The following ERC2 variants were observed in gnomAD, a reference collection of about 807,000 sequenced individuals.
ERC2 encodes ERC protein 2.
A neutral mutation model predicts 114.8 loss-of-function variants in ERC2; 42 were observed. That is an observed-to-expected ratio of 0.37 (90% CI 0.29 to 0.47). ERC2 has a LOEUF of 0.47. ERC2 is among the 20% of genes least tolerant of loss of function. The probability of loss-of-function intolerance (pLI) is 0.99; values close to 1 mark genes in which losing one functional copy is unlikely to be tolerated. For missense variants in ERC2, 939 were observed against 1,150.7 expected (o/e 0.82, Z 2.66); for synonymous variants, 454 against 425.5 (o/e 1.07, Z -0.82).
rs191545270 is a variant in ERC2, at chr3:55,534,813, G to C, written c.*40-23537C>G. Among the ~76,000 whole-genome samples, 23 of 152,290 alleles carry C rather than the reference G, an allele frequency of 1.5e-4. No homozygotes were observed. The East Asian group carries it at 4.2e-3, about 28-fold the overall frequency. ...TCTTGGGGTCAAGCTGCAATCTGAA[G>C]GAGCACAAGGTGATGACAGGAGGTT... On this transcript the variant is annotated intron_variant, in intron 17 of 17. Transcript: ENST00000288221.
chr3:56,261,484 C>A (rs570352594), intron 3 of ERC2, among the ~76,000 whole-genome samples: 2 of 152,242 alleles, frequency 1.3e-5, no homozygotes, highest in South Asian at 4.2e-4. Context: ...TCCTCCCTGC[C>A]TCTCCTACAC....
chr3:56,118,931 C>G (rs1018011610), intron 6 of ERC2, among the ~76,000 whole-genome samples: 4 of 152,092 alleles, frequency 2.6e-5, no homozygotes, highest in African/African-American at 9.7e-5. Flanking sequence ...CCACTGTGCC[C>G]GGCCACAGTA....
intron 7 of ERC2, among the ~76,000 whole-genome samples, chr3:56,035,365 G>T (rs980973146): frequency 6.6e-6 from 1 of 152,140 alleles, no homozygotes; most frequent in African/African-American, 2.4e-5. Context: ...GAATCTGCTT[G>T]CTTCAAAGGT....
At chr3:56,406,878 C>T (rs1239023011) in intron 2 of ERC2, among the ~76,000 whole-genome samples, 2 of 152,162 alleles carry the variant, frequency 1.3e-5, no homozygotes, top group African/African-American at 4.8e-5. Flanking sequence ...AAAGAACAAA[C>T]TAAAAAAAGT....
intron 17 of ERC2, among the ~76,000 whole-genome samples, chr3:55,535,117 G>A (rs775043108): frequency 6.6e-6 from 1 of 152,180 alleles, no homozygotes; most frequent in Non-Finnish European, 1.5e-5. Context: ...TGGTGTGTGA[G>A]TTCAGTATGT....
chr3:56,180,635 G>A lies in ERC2; in HGVS notation c.1075-7115C>T, dbSNP rs1026895549. Among the ~76,000 whole-genome samples, 7 of 152,250 alleles carry A rather than the reference G, an allele frequency of 4.6e-5. No individual in the cohort carries two copies. The East Asian group carries it at 1.4e-3, about 29-fold the overall frequency. On this transcript the variant is annotated intron_variant, in intron 3 of 17. Transcript: ENST00000288221. ...TTATCGAAATAGAAAGTGAAATGGT[G>A]CTTGCCAGGGGTGGTGATAGGCAGA...
At position 55,734,754 on chromosome 3, in the gene ERC2, C is replaced by G; in HGVS notation, c.2712+17G>C. On this transcript the variant is annotated intron_variant, in intron 15 of 17. Coordinates refer to ENST00000288221, the MANE Select transcript of ERC2 (RefSeq NM_015576.3). ...CCCAAACCCAGAAAAACACACCTGT[C>G]TTGCAGGAGGCCCCACCTGCTGCTT... The G allele has an allele frequency of 6.2e-7, 1 of 1,600,076 alleles. No homozygotes were observed. The highest frequency in any genetic ancestry group is 8.5e-7 in the Non-Finnish European group (1 of 1,173,520).
At chr3:55,783,264 T>G (rs990301241) in intron 14 of ERC2, among the ~76,000 whole-genome samples, 2 of 152,186 alleles carry the variant, frequency 1.3e-5, no homozygotes, top group Non-Finnish European at 2.9e-5. Flanking sequence ...TGGACTCAAA[T>G]GCCAGCTTAG....
chr3:56,026,143 G>T (rs752690933), intron 7 of ERC2, among the ~76,000 whole-genome samples: 1 of 141,288 alleles, frequency 7.1e-6, no homozygotes. Context: ...TCGGCCTCCC[G>T]GGTTCAAGCC....
chr3:56,139,376 A>G (rs1454652973), intron 6 of ERC2, 133 bp downstream of exon 6: 4 of 855,318 alleles, frequency 4.7e-6, no homozygotes, highest in Middle Eastern at 3.5e-4. Context: ...TGAAAGCCCA[A>G]CAAATATGAA....
At chr3:56,222,240 G>C (rs1901553) in intron 3 of ERC2, among the ~76,000 whole-genome samples, 68,644 of 152,040 alleles carry the variant, frequency 0.45, 15,936 homozygotes, top group East Asian at 0.71. Context: ...GGACAGAGCA[G>C]ATTAAAGTTA....
intron 6 of ERC2, among the ~76,000 whole-genome samples, chr3:56,117,408 C>T (rs186915896): frequency 6.6e-6 from 1 of 152,304 alleles, no homozygotes; most frequent in African/African-American, 2.4e-5. Context: ...GGCCTCCATT[C>T]TATGTAACTA....
At chr3:56,243,833 T>C (rs565549303) in intron 3 of ERC2, among the ~76,000 whole-genome samples, 1 of 152,064 alleles carries the variant, frequency 6.6e-6, no homozygotes, top group Non-Finnish European at 1.5e-5. Context: ...AAGTGATGTA[T>C]CTGAGAGCGA....
chr3:55,653,469 A>T (rs12488206), intron 17 of ERC2, among the ~76,000 whole-genome samples: 1 of 152,220 alleles, frequency 6.6e-6, no homozygotes, highest in Admixed American at 6.5e-5. Context: ...AAGCAATGAC[A>T]GATTATACCG....
chr3:56,131,559 T>C (rs2080201024), intron 6 of ERC2, among the ~76,000 whole-genome samples: 1 of 152,190 alleles, frequency 6.6e-6, no homozygotes, highest in Non-Finnish European at 1.5e-5. Flanking sequence ...AGAAAGGACA[T>C]TTAAATATTA....
intron 3 of ERC2, among the ~76,000 whole-genome samples, chr3:56,204,722 T>C (rs2048611931): frequency 6.6e-6 from 1 of 151,782 alleles, no homozygotes; most frequent in Non-Finnish European, 1.5e-5. Flanking sequence ...AGGATGGTCT[T>C]GATCTCTTGA....
At chr3:56,023,257 A>G (rs932864567) in intron 7 of ERC2, among the ~76,000 whole-genome samples, 2 of 152,058 alleles carry the variant, frequency 1.3e-5, no homozygotes, top group Non-Finnish European at 2.9e-5. Context: ...CTCTAACTGC[A>G]TGACTTCCTT....
intron 14 of ERC2, among the ~76,000 whole-genome samples, chr3:55,822,853 T>G (rs555339518): frequency 2.3e-3 from 345 of 152,272 alleles, no homozygotes; most frequent in Middle Eastern, 6.8e-3. Flanking sequence ...GACCTCGTGA[T>G]CCACCCGCCT....
intron 3 of ERC2, among the ~76,000 whole-genome samples, chr3:56,281,068 C>T (rs1292024555): frequency 6.6e-6 from 1 of 152,166 alleles, no homozygotes; most frequent in African/African-American, 2.4e-5. Context: ...GTCCAAAAAG[C>T]TGTAACAAAT....
Sources: gnomAD v4.1 joint callset for allele counts (sites outside exome capture counted in the v4.1 genomes callset) on GRCh38, gnomAD v4.1.1 for gene constraint, MANE v1.5 for transcripts, NCBI Gene and HGNC (gene_info 2026-07-23, HGNC 2026-07-21) for gene names.